GRID2: variants seen among roughly 807,000 people sequenced by gnomAD.
GRID2 encodes glutamate ionotropic receptor delta type subunit 2.
A neutral mutation model predicts 114.8 loss-of-function variants in GRID2; 33 were observed. The observed-to-expected ratio is 0.29, with a 90% CI of 0.22 to 0.38. The LOEUF (loss-of-function observed/expected upper bound fraction) is 0.38, where lower values mean the gene tolerates loss of function less well. GRID2 is among the 10% of genes least tolerant of loss of function. The pLI is 1.00. For missense variants in GRID2, 1,184 were observed against 1,257.7 expected, an observed-to-expected ratio of 0.94 and a Z score of 0.89; for synonymous variants, 505 against 449.9, an observed-to-expected ratio of 1.12 and a Z score of -1.55.
At chr4:92,674,950 T>A (rs2149279073) in intron 2 of GRID2, among the ~76,000 whole-genome samples, 1 of 152,344 alleles carries the variant, frequency 6.6e-6, no homozygotes, top group East Asian at 1.9e-4. Context: ...CTATTTTCTT[T>A]TTCTTATGGT....
intron 13 of GRID2, among the ~76,000 whole-genome samples, chr4:93,593,148 C>G (rs577375106): frequency 3.3e-4 from 50 of 151,510 alleles, no homozygotes; most frequent in Admixed American, 6.6e-4. Flanking sequence ...TCTTCCTAGT[C>G]TCGATGGGCT....
At chr4:93,459,043 G>A (rs1025120632) in intron 11 of GRID2, among the ~76,000 whole-genome samples, 2 of 151,968 alleles carry the variant, frequency 1.3e-5, no homozygotes, top group Non-Finnish European at 2.9e-5. Context: ...TGCCAGGCAT[G>A]GTGGTGGGCG....
At chr4:92,811,706 A>G in intron 2 of GRID2, among the ~76,000 whole-genome samples, 1 of 152,106 alleles carries the variant, frequency 6.6e-6, no homozygotes, top group East Asian at 1.9e-4. Flanking sequence ...TGCATTTTAT[A>G]ATATAATTTT....
At chr4:92,560,379 C>T (rs1727049650) in intron 1 of GRID2, among the ~76,000 whole-genome samples, 1 of 152,116 alleles carries the variant, frequency 6.6e-6, no homozygotes, top group African/African-American at 2.4e-5. Context: ...CAATTCTGTT[C>T]CTCTCTCTTT....
intron 11 of GRID2, among the ~76,000 whole-genome samples, chr4:93,473,827 T>C (rs1199900786): frequency 6.6e-6 from 1 of 152,132 alleles, no homozygotes; most frequent in Non-Finnish European, 1.5e-5. Context: ...TGTAAGAGTC[T>C]CTTGTGTATT....
chr4:93,334,366 T>G (rs1389729530), intron 8 of GRID2, among the ~76,000 whole-genome samples: 1 of 144,954 alleles, frequency 6.9e-6, no homozygotes, highest in African/African-American at 2.8e-5. Context: ...TCAGCTTCAC[T>G]GGAGACTTAC....
chr4:92,908,958 G>A (rs977568108), intron 2 of GRID2, among the ~76,000 whole-genome samples: 2 of 152,098 alleles, frequency 1.3e-5, no homozygotes, highest in Admixed American at 6.6e-5. Context: ...AAAGTGATAT[G>A]AGAAATAAAT....
rs1247486468 is a variant in GRID2 at position 93,590,836 on chromosome 4, T to C, written c.2194-35433T>C. Among the ~76,000 whole-genome samples, 29 of 150,136 alleles carry C rather than the reference T, an allele frequency of 1.9e-4. No individual in the cohort carries two copies. In the South Asian group the frequency reaches 5.6e-3, roughly 29 times the overall value. On this transcript the variant is annotated intron_variant, in intron 13 of 15. Coordinates refer to ENST00000282020, the MANE Select transcript of GRID2 (RefSeq NM_001510.4). ...GAAGCAATTGTGAATGGGAGTTCAC[T>C]CATGATTTGGCTCTCTGTTTGTCTG...
intron 11 of GRID2, among the ~76,000 whole-genome samples, chr4:93,483,068 G>A (rs1726033742): frequency 6.6e-6 from 1 of 151,990 alleles, no homozygotes; most frequent in African/African-American, 2.4e-5. Flanking sequence ...GCATTTCAGA[G>A]ATGATATATA....
At chr4:92,754,684 C>G (rs574039810) in intron 2 of GRID2, among the ~76,000 whole-genome samples, 1 of 152,108 alleles carries the variant, frequency 6.6e-6, no homozygotes. Flanking sequence ...AAATACCCTT[C>G]TTGAACCAGT....
chr4:92,690,611 T>G (rs1734139167), intron 2 of GRID2, among the ~76,000 whole-genome samples: 1 of 152,100 alleles, frequency 6.6e-6, no homozygotes, highest in Non-Finnish European at 1.5e-5. Flanking sequence ...ACATTTAGTT[T>G]GCAAAAAACA....
At chr4:92,968,740 A>C (rs556263452) in intron 2 of GRID2, among the ~76,000 whole-genome samples, 1 of 151,702 alleles carries the variant, frequency 6.6e-6, no homozygotes, top group Non-Finnish European at 1.5e-5. Context: ...GTCACTCTTC[A>C]TTTACTCCAC....
intron 2 of GRID2, among the ~76,000 whole-genome samples, chr4:92,650,106 TATAGG>T (rs1376824457): frequency 6.6e-6 from 1 of 152,002 alleles, no homozygotes; most frequent in African/African-American, 2.4e-5. Context: ...CATTTCATAA[TATAGG>T]AGAGGGGAAA....
At chr4:92,777,634 G>C (rs1262787452) in intron 2 of GRID2, among the ~76,000 whole-genome samples, 1 of 150,520 alleles carries the variant, frequency 6.6e-6, no homozygotes. Flanking sequence ...GGCCATTAAA[G>C]AAGTAATGAA....
intron 8 of GRID2, among the ~76,000 whole-genome samples, chr4:93,246,715 A>G (rs1748253956): frequency 6.6e-6 from 1 of 152,154 alleles, no homozygotes; most frequent in Non-Finnish European, 1.5e-5. Flanking sequence ...ATTTAGCTCC[A>G]TCAGCTTTTA....
At chr4:93,647,086 T>A (rs1474478517) in intron 14 of GRID2, among the ~76,000 whole-genome samples, 1 of 152,158 alleles carries the variant, frequency 6.6e-6, no homozygotes, top group South Asian at 2.1e-4. Flanking sequence ...ATGAAAGATT[T>A]CTGTGTTAGA....
At chr4:93,535,795 T>C (rs1196031898) in intron 13 of GRID2, among the ~76,000 whole-genome samples, 3 of 152,108 alleles carry the variant, frequency 2.0e-5, no homozygotes, top group African/African-American at 7.2e-5. Flanking sequence ...TTTTGGATAT[T>C]AACCCTTCAT....
chr4:93,129,753 G>C (rs1734622627), intron 4 of GRID2, among the ~76,000 whole-genome samples: 1 of 152,000 alleles, frequency 6.6e-6, no homozygotes, highest in Admixed American at 6.6e-5. Flanking sequence ...CATGATGTTT[G>C]GCACTCAGAC....
chr4:93,508,631 C>T (rs561234814), intron 12 of GRID2, among the ~76,000 whole-genome samples: 43 of 152,248 alleles, frequency 2.8e-4, no homozygotes, highest in Middle Eastern at 3.4e-3. Context: ...AATGAAATAT[C>T]CTTCTAGTGA....
Sources: gnomAD v4.1 joint callset for allele counts (sites outside exome capture counted in the v4.1 genomes callset) on GRCh38, gnomAD v4.1.1 for gene constraint, MANE v1.5 for transcripts, NCBI Gene and HGNC (gene_info 2026-07-23, HGNC 2026-07-21) for gene names.